Variants in ATXN1 observed in about 807,000 individuals in gnomAD.
ATXN1 encodes the protein ataxin-1.
In ATXN1, 8 loss-of-function variants were observed where a neutral mutation model predicts 56.4. That is an observed-to-expected ratio of 0.14 (90% CI 0.08 to 0.26). ATXN1 has a LOEUF of 0.26. Among genes scored for constraint, ATXN1 ranks in the 10% least tolerant of loss-of-function variants. The pLI is 1.00. For missense variants in ATXN1, 987 were observed against 1,106.5 expected (o/e 0.89, Z 1.53); for synonymous variants, 514 against 494.6 (o/e 1.04, Z -0.52).
At chr6:16,520,459 A>C (rs1414901204) in intron 5 of ATXN1, among the ~76,000 whole-genome samples, 2 of 152,244 alleles carry the variant, frequency 1.3e-5, no homozygotes, top group Non-Finnish European at 2.9e-5. Flanking sequence ...CAAGTGGTCT[A>C]CATGGGTTCA....
intron 3 of ATXN1, among the ~76,000 whole-genome samples, chr6:16,639,551 T>G (rs1333294949): frequency 6.6e-6 from 1 of 152,164 alleles, no homozygotes; most frequent in Non-Finnish European, 1.5e-5. Flanking sequence ...CAACCTCAGG[T>G]GATTCGCCTG....
intron 4 of ATXN1, among the ~76,000 whole-genome samples, chr6:16,540,623 A>T (rs1241683874): frequency 6.6e-6 from 1 of 152,222 alleles, no homozygotes; most frequent in African/African-American, 2.4e-5. Context: ...AGTCACACTG[A>T]TAAATGGCTG....
At chr6:16,553,454 A>G (rs1761958021) in intron 4 of ATXN1, among the ~76,000 whole-genome samples, 1 of 152,138 alleles carries the variant, frequency 6.6e-6, no homozygotes, top group Non-Finnish European at 1.5e-5. Context: ...TCCGTCTCAC[A>G]GTACCTTTCT....
At chr6:16,493,058 C>T (rs142615417) in intron 5 of ATXN1, among the ~76,000 whole-genome samples, 104 of 152,280 alleles carry the variant, frequency 6.8e-4, no homozygotes, top group African/African-American at 2.3e-3. Flanking sequence ...TCACAGCAGC[C>T]TGCTCATTGG....
chr6:16,635,403 C>T (rs534976852), intron 3 of ATXN1, among the ~76,000 whole-genome samples: 2 of 152,212 alleles, frequency 1.3e-5, no homozygotes, highest in East Asian at 1.9e-4. Context: ...CCCGCTCCAC[C>T]CTAGTCTGTG....
At position 16,305,298 on chromosome 6, in the gene ATXN1, A is replaced by T. The variant is rs1246561806; in HGVS notation, c.*1031T>A. 6.6e-6 allele frequency: 1 copy of T among 151,814 alleles called. No individual in the cohort carries two copies. Among genetic ancestry groups the T allele is most frequent in the African/African-American group, 2.4e-5 (1 of 41,298 alleles). The allele number at this position is 151,814 out of a possible 1,614,324, so 9.4% of individuals were successfully genotyped here. The stretch of plus-strand genomic sequence containing the variant: ...TGAAAAAAAAAAAAAGTGGCACCCG[A>T]GTTGTCCATAGTCATGAACTATAAA... On this transcript the variant is annotated 3_prime_UTR_variant, in exon 8 of 8. Transcript: ENST00000436367.
At chr6:16,376,268 A>C (rs1004025742) in intron 6 of ATXN1, among the ~76,000 whole-genome samples, 1 of 152,214 alleles carries the variant, frequency 6.6e-6, no homozygotes, top group Admixed American at 6.5e-5. Flanking sequence ...GAGAGAAAAA[A>C]ATTACACTCT....
chr6:16,516,993 ATTTT>A (rs1490740838), intron 5 of ATXN1, among the ~76,000 whole-genome samples: 4 of 152,200 alleles, frequency 2.6e-5, no homozygotes, highest in Non-Finnish European at 4.4e-5. Context: ...ATGACTTGAT[ATTTT>A]CCCACTAGGA....
At chr6:16,323,580 G>A (rs996204834) in intron 7 of ATXN1, among the ~76,000 whole-genome samples, 2 of 149,764 alleles carry the variant, frequency 1.3e-5, no homozygotes, top group Non-Finnish European at 3.0e-5. Context: ...TTCTGCAGAG[G>A]CTGCCAGGCC....
chr6:16,457,510 G>A (rs1759902253), intron 6 of ATXN1, among the ~76,000 whole-genome samples: 2 of 151,914 alleles, frequency 1.3e-5, no homozygotes, highest in Admixed American at 1.3e-4. Flanking sequence ...CCCTGAAAAA[G>A]AAGCGGCTTA....
At chr6:16,594,927 G>A (rs1400578176) in intron 3 of ATXN1, among the ~76,000 whole-genome samples, 1 of 152,130 alleles carries the variant, frequency 6.6e-6, no homozygotes, top group East Asian at 1.9e-4. Context: ...CTTCAAACAT[G>A]GCATTAACTA....
intron 5 of ATXN1, among the ~76,000 whole-genome samples, chr6:16,503,854 C>T (rs1193929185): frequency 6.6e-6 from 1 of 151,872 alleles, no homozygotes; most frequent in Non-Finnish European, 1.5e-5. Context: ...ATAAAATGTA[C>T]CATCTTAAAC....
intron 6 of ATXN1, among the ~76,000 whole-genome samples, chr6:16,417,064 C>G (rs547955223): frequency 2.1e-4 from 32 of 152,304 alleles, no homozygotes; most frequent in Non-Finnish European, 4.0e-4. Context: ...TGAGGTTTTG[C>G]TCTGTTGCCG....
intron 7 of ATXN1, among the ~76,000 whole-genome samples, chr6:16,312,267 T>C (rs1035042385): frequency 1.3e-5 from 2 of 152,224 alleles, no homozygotes; most frequent in African/African-American, 4.8e-5. Flanking sequence ...GACTTCATAA[T>C]GTTATTGGAC....
intron 4 of ATXN1, among the ~76,000 whole-genome samples, chr6:16,562,383 A>AG (rs1240876798): frequency 2.0e-5 from 3 of 149,484 alleles, no homozygotes; most frequent in East Asian, 3.9e-4. Context: ...AAAAAAAAAA[A>AG]AAAAGAAGAA....
intron 4 of ATXN1, among the ~76,000 whole-genome samples, chr6:16,529,371 T>C (rs567692831): frequency 7.9e-4 from 119 of 151,214 alleles, no homozygotes; most frequent in African/African-American, 2.8e-3. Flanking sequence ...CGACACAAAA[T>C]GTAGCCTTGG....
At chr6:16,542,120 A>C (rs1482275619) in intron 4 of ATXN1, among the ~76,000 whole-genome samples, 1 of 151,846 alleles carries the variant, frequency 6.6e-6, no homozygotes, top group Admixed American at 6.6e-5. Context: ...AAGATGCAAC[A>C]CTGAGAGACA....
At chr6:16,587,586 G>A (rs929637180) in intron 3 of ATXN1, among the ~76,000 whole-genome samples, 2 of 152,174 alleles carry the variant, frequency 1.3e-5, no homozygotes, top group Admixed American at 1.3e-4. Flanking sequence ...CTTTGCATAT[G>A]ACACTCCCTT....
intron 6 of ATXN1, among the ~76,000 whole-genome samples, chr6:16,395,094 A>T (rs1384883075): frequency 1.3e-5 from 2 of 151,972 alleles, no homozygotes; most frequent in Non-Finnish European, 2.9e-5. Context: ...CAACATGGAG[A>T]AATCCCGTCT....
Sources: allele counts gnomAD v4.1 joint callset (sites outside exome capture counted in the v4.1 genomes callset), GRCh38; gene constraint gnomAD v4.1.1; transcripts MANE v1.5; gene names NCBI Gene and HGNC (gene_info 2026-07-23, HGNC 2026-07-21).